Variants in BOC observed in about 807,000 individuals in gnomAD.
The protein encoded by BOC is BOC cell adhesion associated, oncogene regulated.
Under a neutral mutation model 112.0 loss-of-function variants are expected in BOC, and 76 were observed. That is an observed-to-expected ratio of 0.68 (90% CI 0.56 to 0.82). The LOEUF is 0.82. BOC is among the 40% of genes least tolerant of loss of function. BOC has a pLI of 0.00. For synonymous variants in BOC, 580 were observed against 599.8 expected, an observed-to-expected ratio of 0.97 and a Z score of 0.48; for missense variants, 1,309 against 1,511.7, an observed-to-expected ratio of 0.87 and a Z score of 2.22.
In BOC at chr3:113,282,481, G is replaced by A. The variant is rs146870846; in HGVS notation, c.2435-930G>A. 5.9e-5 allele frequency among the ~76,000 whole-genome samples: 9 copies of A among 152,298 alleles called. No individual in the cohort carries two copies. In the East Asian group the frequency reaches 1.7e-3, roughly 29 times the overall value. ...TGTTGCCACTTATTGAAATGGCAAC[G>A]GCAAGAAGACAGATTTCATGAGAAA... On this transcript the variant is annotated intron_variant, in intron 15 of 19. Coordinates refer to ENST00000682979, the MANE Select transcript of BOC (RefSeq NM_001378074.1).
At chr3:113,217,255 C>G (rs1576310390) in intron 2 of BOC, among the ~76,000 whole-genome samples, 1 of 152,212 alleles carries the variant, frequency 6.6e-6, no homozygotes, top group Admixed American at 6.5e-5. Context: ...GTGGCTCATG[C>G]CTGTAATCGC....
rs777453049 is a variant in BOC, at chr3:113,279,414, C to T, written c.1982C>T (p.Pro661Leu). The change falls in exon 12 of 20, where the codon CCC becomes CTC. Residue 661 changes from proline to leucine, a missense_variant. By Grantham distance (98) the Pro-to-Leu change is moderately conservative. Transcript: ENST00000682979. The part of the protein sequence containing the change: ...GDWILATSAI[P>L]PSRLSVEITG... ...TGGATTCTGGCCACCAGCGCCATCC[C>T]CCCATCGCGGCTGTCCGTGGAGATC... The T allele has an allele frequency of 1.2e-6, 2 of 1,614,180 alleles. No individual in the cohort carries two copies. The highest frequency in any genetic ancestry group is 1.7e-6 in the Non-Finnish European group (2 of 1,180,006).
chr3:113,267,607 G>C (rs1285365819), intron 4 of BOC, among the ~76,000 whole-genome samples: 3 of 152,230 alleles, frequency 2.0e-5, no homozygotes, highest in Admixed American at 6.5e-5. Flanking sequence ...GATCCTCCGT[G>C]AAGTGGGGTG....
intron 19 of BOC, 38 bp from the exon 20 acceptor site, chr3:113,286,637 A>G (rs1049190019): frequency 1.3e-6 from 2 of 1,490,396 alleles, no homozygotes; most frequent in Non-Finnish European, 1.8e-6. Flanking sequence ...TCCTCGGTCA[A>G]TCTGGATTTT....
intron 9 of BOC, among the ~76,000 whole-genome samples, chr3:113,277,681 G>A (rs528072165): frequency 1.8e-4 from 27 of 152,196 alleles, no homozygotes; most frequent in Non-Finnish European, 3.1e-4. Context: ...TGATACTTTC[G>A]TTACCTTTCT....
rs1293074121 is a variant in BOC, at chr3:113,287,077, C to T, written c.*215C>T. On this transcript the variant is annotated 3_prime_UTR_variant, in exon 20 of 20. Coordinates refer to ENST00000682979, the MANE Select transcript of BOC (RefSeq NM_001378074.1). The stretch of plus-strand genomic sequence containing the variant: ...GAGAGGGAAAATAAAGAAGCTGCCA[C>T]CTAACAGGAGTCACCCAGGAAAGCA... The T allele has an allele frequency of 4.9e-6, 3 of 607,212 alleles. No homozygotes were observed. The highest frequency in any genetic ancestry group is 1.8e-5 in the African/African-American group (1 of 54,680). The allele number at this position is 607,212 out of a possible 1,614,324, so 37.6% of individuals were successfully genotyped here. A position where few individuals can be genotyped will look rare whatever the true frequency, so the allele number is the denominator to read the frequency against.
chr3:113,286,842 A>C lies in BOC; in HGVS notation c.3328A>C (p.Thr1110Pro). The change falls in exon 20 of 20, where the codon ACA (threonine) becomes CCA (proline). Residue 1110 changes from threonine (T) to proline (P), a missense_variant. Coordinates refer to ENST00000682979, the MANE Select transcript of BOC (RefSeq NM_001378074.1). ...PGPLVRVSFETPPLTI is the reference protein window; with the variant it reads ...PGPLVRVSFEPPPLTI ...GCCACTGGTGCGTGTGTCTTTTGAA[A>C]CACCACCTCTCACAATTTAGGCAGA... 5 of 1,592,342 alleles carry C rather than the reference A, an allele frequency of 3.1e-6. No homozygotes were observed. Among genetic ancestry groups the C allele is most frequent in the Non-Finnish European group, 4.3e-6 (5 of 1,171,436 alleles).
At chr3:113,277,680 C>T (rs1434883163) in intron 9 of BOC, among the ~76,000 whole-genome samples, 4 of 152,220 alleles carry the variant, frequency 2.6e-5, no homozygotes, top group African/African-American at 7.2e-5. Context: ...CTGATACTTT[C>T]GTTACCTTTC....
chr3:113,251,113 G>C (rs1333515708), intron 4 of BOC: 2 of 590,704 alleles, frequency 3.4e-6, no homozygotes, highest in Admixed American at 3.1e-5. Flanking sequence ...TGGCAGAACT[G>C]TTCCGTGGGC....
intron 4 of BOC, among the ~76,000 whole-genome samples, chr3:113,260,751 C>G (rs943377828): frequency 6.6e-6 from 1 of 151,874 alleles, no homozygotes; most frequent in Non-Finnish European, 1.5e-5. Context: ...CAGAACAGAA[C>G]AGGTTTTCAC....
chr3:113,270,169 A>T (rs1947954182), intron 5 of BOC: 1 of 152,338 alleles, frequency 6.6e-6, no homozygotes, highest in Admixed American at 6.5e-5. Context: ...GCAGAAATGC[A>T]ATAATGAGGC....
intron 2 of BOC, among the ~76,000 whole-genome samples, chr3:113,235,068 T>C (rs893201355): frequency 1.3e-5 from 2 of 152,228 alleles, no homozygotes; most frequent in African/African-American, 4.8e-5. Context: ...GTGTAAGACA[T>C]AGGACTTTAA....
chr3:113,276,195 AC>A (rs1359929549), intron 9 of BOC, among the ~76,000 whole-genome samples: 6 of 152,224 alleles, frequency 3.9e-5, no homozygotes, highest in African/African-American at 1.4e-4. Context: ...TGAGAGCAAG[AC>A]TAATATTTTT....
chr3:113,250,952 C>G, intron 4 of BOC, 119 bp downstream of exon 4: 1 of 1,289,090 alleles, frequency 7.8e-7, no homozygotes, highest in Non-Finnish European at 1.1e-6. Context: ...GCCTTAACTG[C>G]AGAAATGTCA....
chr3:113,284,574 C>T lies in BOC; in HGVS notation c.2889+7C>T. 6.2e-7 allele frequency: 1 copy of T among 1,608,036 alleles called. No homozygotes were observed. The highest frequency in any genetic ancestry group is 8.5e-7 in the Non-Finnish European group (1 of 1,177,158). Reference sequence around the variant, plus strand: ...CCCAGGCGAGCTTCAGCAGGTAGCGCATTCTTGGGTGTGGGCGGCAGGTAT... The same window carrying T: ...CCCAGGCGAGCTTCAGCAGGTAGCGTATTCTTGGGTGTGGGCGGCAGGTAT... On this transcript the variant is annotated splice_region_variant and intron_variant, in intron 17 of 19. Transcript: ENST00000682979.
intron 2 of BOC, among the ~76,000 whole-genome samples, chr3:113,227,446 A>AT (rs1263503682): frequency 6.6e-6 from 1 of 152,230 alleles, no homozygotes; most frequent in Non-Finnish European, 1.5e-5. Context: ...GAAGAGCCAG[A>AT]TGGCTCCCAG....
chr3:113,283,033 G>A (rs1246484673), intron 15 of BOC, among the ~76,000 whole-genome samples: 2 of 152,112 alleles, frequency 1.3e-5, no homozygotes, highest in African/African-American at 2.4e-5. Context: ...CTTGGGTGTC[G>A]GTAAATTCTT....
At chr3:113,249,485 C>T (rs2107380598) in intron 2 of BOC, among the ~76,000 whole-genome samples, 1 of 152,360 alleles carries the variant, frequency 6.6e-6, no homozygotes, top group Admixed American at 6.5e-5. Context: ...AGCATTCTTA[C>T]TACAATAAAA....
chr3:113,214,505 T>C (rs1198737225), intron 1 of BOC, among the ~76,000 whole-genome samples: 1 of 152,246 alleles, frequency 6.6e-6, no homozygotes, highest in Non-Finnish European at 1.5e-5. Flanking sequence ...TTAGGGTTTA[T>C]CTCTGTGTCT....
Sources: gnomAD v4.1 joint callset for allele counts (sites outside exome capture counted in the v4.1 genomes callset) on GRCh38, gnomAD v4.1.1 for gene constraint, MANE v1.5 for transcripts, NCBI Gene and HGNC (gene_info 2026-07-23, HGNC 2026-07-21) for gene names.